WDR90: variants seen among roughly 807,000 people sequenced by gnomAD.
WDR90 encodes WD repeat domain 90, also known as WD repeat-containing protein 90.
WDR90 carries 238 observed loss-of-function variants against 195.2 expected under a neutral mutation model. The observed-to-expected ratio is 1.22, with a 90% CI of 1.10 to 1.36. The LOEUF is 1.36. WDR90 is among the 40% of genes most tolerant of loss of function. The pLI is 0.00. For synonymous variants in WDR90, 1,265 were observed against 1,052.4 expected (o/e 1.20, Z -3.91); for missense variants, 2,734 against 2,439.5 (o/e 1.12, Z -2.54).
At chr16:662,533 A>T in intron 33 of WDR90, 146 bp from the exon 34 acceptor site, 1 of 1,267,280 alleles carries the variant, frequency 7.9e-7, no homozygotes, top group African/African-American at 1.5e-5. Context: ...CCCCAGCTCC[A>T]TGGGCTTTCT....
At chr16:650,465 G>T (rs1281744429) in intron 4 of WDR90, 74 bp from the exon 5 acceptor site, 1 of 1,588,468 alleles carries the variant, frequency 6.3e-7, no homozygotes, top group Non-Finnish European at 8.6e-7. Context: ...ACCTGGCGGG[G>T]GCACAAGCTC....
Position 660,706 on chromosome 16 carries a change from C to G in WDR90, c.3383C>G (p.Pro1128Arg). The change falls in exon 28 of 41, where the codon CCG becomes CGG. Residue 1128 changes from proline to arginine, a missense_variant. Transcript: ENST00000293879. ...GNGRANMVWR[P>R]DTGFFAYTCG... ...GGGCGGGCCAACATGGTCTGGAGGC[C>G]GGACACAGGTGGGGGCCAAGAGCCT... 1.9e-6 allele frequency: 3 copies of G among 1,566,264 alleles called. No individual in the cohort carries two copies. The highest frequency in any genetic ancestry group is 2.6e-6 in the Non-Finnish European group (3 of 1,155,376).
In WDR90 at chr16:658,983, C is replaced by T. The variant is rs766668642; in HGVS notation, c.2983C>T (p.Leu995Phe). 2 of 1,613,086 alleles carry T rather than the reference C, an allele frequency of 1.2e-6. No individual in the cohort carries two copies. The highest frequency in any genetic ancestry group is 1.7e-6 in the Non-Finnish European group (2 of 1,179,982). ...QVLSAGDAVF[L>F]WDVLAPTESD... ...CCTCAGCGCAGGGGACGCCGTCTTC[C>T]TCTGGGATGTCCTGGCCCCTACTGA... Residue 995 changes from leucine (L) to phenylalanine (F), a missense_variant, in exon 24 of 41, where the codon CTC becomes TTC. Physicochemically the swap from Leu to Phe is conservative, Grantham distance 22. Coordinates refer to ENST00000293879, the MANE Select transcript of WDR90 (RefSeq NM_145294.5).
Position 653,333 on chromosome 16 carries a change from T to C in WDR90, c.1123-8T>C, listed in dbSNP as rs945371053. Reference sequence around the variant, plus strand: ...ACCGGTCCTCAGCCCCCCGCCCCCTTGTGCCAGGCCCTGTGGACCCCAGAC... The same window carrying C: ...ACCGGTCCTCAGCCCCCCGCCCCCTCGTGCCAGGCCCTGTGGACCCCAGAC... On this transcript the variant is annotated splice_polypyrimidine_tract_variant and splice_region_variant and intron_variant, in intron 10 of 40. Transcript: ENST00000293879. 8 of 1,526,310 alleles carry C rather than the reference T, an allele frequency of 5.2e-6. No homozygotes were observed. Among genetic ancestry groups the C allele is most frequent in the Non-Finnish European group, 7.0e-6 (8 of 1,138,112 alleles). 94.5% of individuals were successfully genotyped at this position (1,526,310 alleles called of 1,614,324 possible). A position where few individuals can be genotyped will look rare whatever the true frequency, so the allele number is the denominator to read the frequency against.
rs767837330 is a variant in WDR90 at position 662,802 on chromosome 16, C to T, written c.4269C>T (p.Ala1423=). 4.6e-5 allele frequency: 73 copies of T among 1,598,614 alleles called. No homozygotes were observed. The East Asian group carries it at 1.1e-3, about 23-fold the overall frequency. ...TAGTLWFVSW[A]EGTSTRLISG... is the part of the protein sequence containing the mutation. ...GCACGCTGTGGTTTGTCAGCTGGGC[C>T]GAGGGCACCAGCACACGTCTCATCA... The change falls in exon 34 of 41, where the codon GCC becomes GCT. Residue 1423 remains alanine, a synonymous_variant. Coordinates refer to ENST00000293879, the MANE Select transcript of WDR90 (RefSeq NM_145294.5).
rs1314372401 is a variant in WDR90, at chr16:651,003, G to A, written c.568G>A (p.Gly190Arg). Residue 190 changes from glycine (G) to arginine (R), a missense_variant, in exon 6 of 41, where the codon GGG (glycine) becomes AGG (arginine). Physicochemically the swap from Gly to Arg is moderately radical, Grantham distance 125 (BLOSUM62 -2). Coordinates refer to ENST00000293879, the MANE Select transcript of WDR90 (RefSeq NM_145294.5). ...AACCCTGCTCCTTGTAGCCATCTCT[G>A]GGGCCCAGTGGGCAAAGCTGCCCGT... ...SDLCFEPAIS[G>R]AQWAKLPVTP... is the part of the protein sequence containing the mutation. 1.2e-6 allele frequency: 2 copies of A among 1,613,104 alleles called. No individual in the cohort carries two copies. Among genetic ancestry groups the A allele is most frequent in the Non-Finnish European group, 1.7e-6 (2 of 1,179,934 alleles).
chr16:655,439 C>T lies in WDR90; in HGVS notation c.1689C>T (p.Asp563=), dbSNP rs1457103192. 24 of 1,561,056 alleles carry T rather than the reference C, an allele frequency of 1.5e-5. No individual in the cohort carries two copies. Among genetic ancestry groups the T allele is most frequent in the African/African-American group, 5.4e-5 (4 of 74,154 alleles). ...FTDLAFKQAR[D]GCPEPSAAML... ...ACCTGGCCTTCAAGCAGGCCCGGGA[C>T]GGCTGCCCGGAGCCCTCGGCTGCCA... Residue 563 remains aspartate (D), a synonymous_variant, in exon 15 of 41, where the codon GAC becomes GAT. Transcript: ENST00000293879.
chr16:657,204 A>G lies in WDR90; in HGVS notation c.2456A>G (p.His819Arg). Residue 819 changes from histidine to arginine, a missense_variant, in exon 20 of 41, where the codon CAT becomes CGT. By Grantham distance (29) the His-to-Arg change is conservative (BLOSUM62 0). Transcript: ENST00000293879. Reference protein sequence around the residue: ...AQYSCADPQWHVLRVAADMVC... With the variant: ...AQYSCADPQWRVLRVAADMVC... Reference sequence around the variant, plus strand: ...TACAGCTGTGCGGACCCCCAGTGGCATGTCCTCCGAGTGGCAGGTTGGGCC... The same window carrying G: ...TACAGCTGTGCGGACCCCCAGTGGCGTGTCCTCCGAGTGGCAGGTTGGGCC... 1 of 1,551,606 alleles carries G rather than the reference A, an allele frequency of 6.4e-7. No homozygotes were observed. Among genetic ancestry groups the G allele is most frequent in the Non-Finnish European group, 8.7e-7 (1 of 1,147,666 alleles).
intron 2 of WDR90, 59 bp from the exon 3 acceptor site, chr16:649,932 C>T: frequency 6.2e-7 from 1 of 1,604,426 alleles, no homozygotes; most frequent in South Asian, 1.1e-5. Flanking sequence ...CGAGGGCCCC[C>T]TCGCCCCCGC....
In WDR90 at chr16:657,911, T is replaced by C; in HGVS notation, c.2604+19T>C. On this transcript the variant is annotated intron_variant, in intron 21 of 40. Coordinates refer to ENST00000293879, the MANE Select transcript of WDR90 (RefSeq NM_145294.5). ...TGATGAGGTGAGTCCGCAGCCCTCC[T>C]GGGTCCAGGGAGACTGGGCCATGAG... is the stretch of plus-strand genomic sequence containing the variant. 1 of 1,544,150 alleles carries C rather than the reference T, an allele frequency of 6.5e-7. No homozygotes were observed. The highest frequency in any genetic ancestry group is 8.8e-7 in the Non-Finnish European group (1 of 1,142,194).
In WDR90 at chr16:650,996, C is replaced by T. The variant is rs2037634544; in HGVS notation, c.561C>T (p.Ala187=). The change falls in exon 6 of 41, where the codon GCC becomes GCT. Residue 187 remains alanine (A), a splice_region_variant and synonymous_variant. Transcript: ENST00000293879. ...LYTSDLCFEP[A]ISGAQWAKLP... ...CTGGAACAACCCTGCTCCTTGTAGC[C>T]ATCTCTGGGGCCCAGTGGGCAAAGC... 6.2e-7 allele frequency: 1 copy of T among 1,613,114 alleles called. No homozygotes were observed. Among genetic ancestry groups the T allele is most frequent in the Middle Eastern group, 1.7e-4 (1 of 6,060 alleles).
intron 4 of WDR90, 49 bp from the exon 5 acceptor site, chr16:650,490 C>T (rs770184455): frequency 6.5e-5 from 103 of 1,585,998 alleles, no homozygotes; most frequent in Admixed American, 1.3e-4. Flanking sequence ...TTCTGGGAGT[C>T]GCGGGCTGTC....
chr16:665,706 G>T lies in WDR90; in HGVS notation c.4339G>T (p.Glu1447Ter), dbSNP rs778512506. The T allele has an allele frequency of 1.9e-6, 3 of 1,612,538 alleles. No individual in the cohort carries two copies. Among genetic ancestry groups the T allele is most frequent in the Non-Finnish European group, 2.5e-6 (3 of 1,179,892 alleles). Reference protein sequence around the residue: ...KVNEVVFSPGESHCATCSEDG... With the variant: ...KVNEVVFSPG Reference sequence around the variant, plus strand: ...GAACGAGGTGGTCTTCAGCCCCGGGGAGTCCCACTGCGCCACATGCAGTGA... The same window carrying T: ...GAACGAGGTGGTCTTCAGCCCCGGGTAGTCCCACTGCGCCACATGCAGTGA... The change falls in exon 35 of 41, where the codon GAG (glutamate) becomes TAG (stop). Residue 1447 changes from glutamate to a stop codon, truncating the protein, a stop_gained. Transcript: ENST00000293879. LOFTEE classifies it high-confidence loss of function.
rs767431876 is a variant in WDR90 at position 653,403 on chromosome 16, G to A, written c.1185G>A (p.Leu395=). 3.1e-6 allele frequency: 5 copies of A among 1,609,790 alleles called. No individual in the cohort carries two copies. In the East Asian group the frequency reaches 1.1e-4, roughly 36 times the overall value. Reference sequence around the variant, plus strand: ...CCTGCCATGCGGTCATCGTCGTCCTGCTCGTGGACACGGGGGAGCAGCGCT... The same window carrying A: ...CCTGCCATGCGGTCATCGTCGTCCTACTCGTGGACACGGGGGAGCAGCGCT... ...VYPCHAVIVV[L]LVDTGEQRFF... Residue 395 remains leucine (L), a synonymous_variant, in exon 11 of 41, where the codon CTG becomes CTA. Transcript: ENST00000293879.
intron 21 of WDR90, 102 bp downstream of exon 21, chr16:657,994 C>T: frequency 6.9e-7 from 1 of 1,457,578 alleles, no homozygotes; most frequent in African/African-American, 1.4e-5. Context: ...GACCCAGGCC[C>T]TGTCCCGCCT....
chr16:649,475 C>T (rs2037593452), intron 1 of WDR90, 49 bp downstream of exon 1: 1 of 1,287,434 alleles, frequency 7.8e-7, no homozygotes, highest in South Asian at 2.5e-5. Context: ...TCCGGGGTTC[C>T]GGGGTCCAGG....
rs765991637 is a variant in WDR90 at position 655,847 on chromosome 16, C to T, written c.1924C>T (p.Arg642Trp). Residue 642 changes from arginine (R) to tryptophan (W), a missense_variant, in exon 17 of 41, where the codon CGG becomes TGG. Coordinates refer to ENST00000293879, the MANE Select transcript of WDR90 (RefSeq NM_145294.5). ...CAVGSEDGFL[R>W]LWPLDFSSVL... Reference sequence around the variant, plus strand: ...TGTGGGCTCTGAGGACGGCTTCTTGCGGCTCTGGCCCCTGGACTTCTCCTC... The same window carrying T: ...TGTGGGCTCTGAGGACGGCTTCTTGTGGCTCTGGCCCCTGGACTTCTCCTC... The T allele has an allele frequency of 1.3e-5, 20 of 1,597,910 alleles. No homozygotes were observed. The Middle Eastern group carries it at 4.9e-4, about 39-fold the overall frequency.
In WDR90 at chr16:651,280, G is replaced by A. The variant is rs554364278; in HGVS notation, c.736+14G>A. 3 of 1,612,644 alleles carry A rather than the reference G, an allele frequency of 1.9e-6. No individual in the cohort carries two copies. Among genetic ancestry groups the A allele is most frequent in the East Asian group, 4.5e-5 (2 of 44,888 alleles). On this transcript the variant is annotated intron_variant, in intron 7 of 40. Coordinates refer to ENST00000293879, the MANE Select transcript of WDR90 (RefSeq NM_145294.5). Reference sequence around the variant, plus strand: ...CTCCTGAGGCAGGTGGGTCTGGGGGGTCAGCGGGGACCCAGGTTAAGGCCT... The same window carrying A: ...CTCCTGAGGCAGGTGGGTCTGGGGGATCAGCGGGGACCCAGGTTAAGGCCT...
intron 19 of WDR90, 86 bp downstream of exon 19, chr16:656,957 A>T: frequency 6.4e-7 from 1 of 1,560,566 alleles, no homozygotes; most frequent in South Asian, 1.2e-5. Flanking sequence ...CAGGATGGCC[A>T]GTGCTGGCTG....
Sources: allele counts gnomAD v4.1 joint callset, GRCh38; gene constraint gnomAD v4.1.1; transcripts MANE v1.5; gene names NCBI Gene and HGNC (gene_info 2026-07-23, HGNC 2026-07-21).